The following ADGRL3 variants were observed in gnomAD, a reference collection of about 807,000 sequenced individuals.
ADGRL3 encodes the protein calcium-independent alpha-latrotoxin receptor 3.
Under a neutral mutation model 153.5 loss-of-function variants are expected in ADGRL3, and 62 were observed. The observed-to-expected ratio is 0.40, with a 90% CI of 0.33 to 0.50. ADGRL3 has a LOEUF of 0.50. Among genes scored for constraint, ADGRL3 ranks in the 20% least tolerant of loss-of-function variants. The probability of loss-of-function intolerance (pLI) is 0.47; values close to 1 mark genes in which losing one functional copy is unlikely to be tolerated. For synonymous variants in ADGRL3, 710 were observed against 672.5 expected, an observed-to-expected ratio of 1.06 and a Z score of -0.86; for missense variants, 1,641 against 1,859.4, an observed-to-expected ratio of 0.88 and a Z score of 2.16.
At chr4:62,028,747 G>A (rs970932484) in intron 21 of ADGRL3, 108 bp from the exon 22 acceptor site, 7 of 737,576 alleles carry the variant, frequency 9.5e-6, no homozygotes, top group Non-Finnish European at 1.6e-5. Flanking sequence ...TTTTAGGGAG[G>A]TGGGGGACAG....
At position 62,070,852 on chromosome 4, in the gene ADGRL3, G is replaced by A; in HGVS notation, c.4576G>A (p.Gly1526Arg). 1 of 1,551,618 alleles carries A rather than the reference G, an allele frequency of 6.4e-7. No individual in the cohort carries two copies. Among genetic ancestry groups the A allele is most frequent in the Non-Finnish European group, 8.7e-7 (1 of 1,146,946 alleles). Residue 1526 changes from glycine (G) to arginine (R), a missense_variant, in exon 27 of 27, where the codon GGG becomes AGG. By Grantham distance (125) the Gly-to-Arg change is moderately radical (BLOSUM62 -2). This residue lies in a region of ADGRL3 where 517 missense variants were observed against 555.0 expected (regional missense o/e 0.93). Coordinates refer to ENST00000683033, the MANE Select transcript of ADGRL3 (RefSeq NM_001387552.1). The stretch of plus-strand genomic sequence containing the variant: ...ATTTATAGTTCCTCCAAACAAAGAT[G>A]GGACCCCTCCCGAGGGAAGTTCAAA... Reference protein sequence around the residue: ...DGFIVPPNKDGTPPEGSSKGP... With the variant: ...DGFIVPPNKDRTPPEGSSKGP...
intron 4 of ADGRL3, among the ~76,000 whole-genome samples, chr4:61,525,141 T>C (rs538996948): frequency 1.6e-5 from 1 of 62,622 alleles, no homozygotes; most frequent in African/African-American, 7.7e-5. Context: ...AATGCTGTCA[T>C]ATTTTAAAGA....
chr4:61,497,601 T>C (rs2098334794), intron 3 of ADGRL3, among the ~76,000 whole-genome samples: 1 of 150,672 alleles, frequency 6.6e-6, no homozygotes, highest in Non-Finnish European at 1.5e-5. Flanking sequence ...CTGCAACCTC[T>C]GTCTCCTGGG....
intron 18 of ADGRL3, among the ~76,000 whole-genome samples, chr4:61,980,975 T>G (rs2099066304): frequency 6.6e-6 from 1 of 152,216 alleles, no homozygotes; most frequent in South Asian, 2.1e-4. Flanking sequence ...ACATATGTTT[T>G]TAACTCCTTT....
At chr4:61,606,182 G>A (rs1201470909) in intron 5 of ADGRL3, among the ~76,000 whole-genome samples, 2 of 152,160 alleles carry the variant, frequency 1.3e-5, no homozygotes, top group Non-Finnish European at 2.9e-5. Context: ...GGGCTAAAGG[G>A]GAAGTATGGG....
intron 9 of ADGRL3, among the ~76,000 whole-genome samples, chr4:61,867,591 T>C (rs1352673155): frequency 7.0e-6 from 1 of 143,568 alleles, no homozygotes; most frequent in African/African-American, 2.5e-5. Flanking sequence ...ATGACTGAGA[T>C]CCCTATAACA....
At chr4:61,538,380 G>T (rs2098669993) in intron 4 of ADGRL3, among the ~76,000 whole-genome samples, 1 of 152,134 alleles carries the variant, frequency 6.6e-6, no homozygotes, top group Admixed American at 6.5e-5. Context: ...GTCTTAGGGA[G>T]CTTATCTCAT....
At chr4:61,680,337 C>T (rs924490464) in intron 6 of ADGRL3, among the ~76,000 whole-genome samples, 4 of 150,544 alleles carry the variant, frequency 2.7e-5, no homozygotes, top group African/African-American at 9.8e-5. Flanking sequence ...AATATATGTA[C>T]TATTTATGAA....
chr4:61,582,653 A>C lies in ADGRL3; in HGVS notation c.260-4574A>C, dbSNP rs568110584. On this transcript the variant is annotated intron_variant, in intron 4 of 26. Coordinates refer to ENST00000683033, the MANE Select transcript of ADGRL3 (RefSeq NM_001387552.1). ...GTAGAGCAATGCATGAAAAAAAAAA[A>C]CAGATTTGACTAGGACATTGAAGAC... Among the ~76,000 whole-genome samples, 10 of 151,936 alleles carry C rather than the reference A, an allele frequency of 6.6e-5. No individual in the cohort carries two copies. The South Asian group carries it at 1.2e-3, about 19-fold the overall frequency.
intron 9 of ADGRL3, among the ~76,000 whole-genome samples, chr4:61,887,474 T>G (rs1006860590): frequency 1.3e-5 from 2 of 152,212 alleles, no homozygotes; most frequent in African/African-American, 4.8e-5. Flanking sequence ...TTCTCATTTT[T>G]AAAACTAGGA....
chr4:61,603,242 G>C (rs2099018974), intron 5 of ADGRL3, among the ~76,000 whole-genome samples: 1 of 152,100 alleles, frequency 6.6e-6, no homozygotes, highest in African/African-American at 2.4e-5. Context: ...CAACACTCCA[G>C]CATTTTCCTC....
At chr4:61,590,556 T>G (rs1031206995) in intron 5 of ADGRL3, among the ~76,000 whole-genome samples, 3 of 152,138 alleles carry the variant, frequency 2.0e-5, no homozygotes, top group Non-Finnish European at 4.4e-5. Context: ...ACGTGCAGTT[T>G]ACCATAACAG....
intron 4 of ADGRL3, among the ~76,000 whole-genome samples, chr4:61,578,166 T>C (rs1037717498): frequency 1.3e-5 from 2 of 152,082 alleles, no homozygotes; most frequent in East Asian, 1.9e-4. Flanking sequence ...AGAAGTTCCC[T>C]TTCCTGTTTT....
At position 61,693,636 on chromosome 4, in the gene ADGRL3, G is replaced by C. The variant is rs186351321; in HGVS notation, c.583+16701G>C. Reference sequence around the variant, plus strand: ...CAGTTCTTGTTGCGGATGAGGTATTGATGTTTTGTGATACTTTGGTCAGTC... The same window carrying C: ...CAGTTCTTGTTGCGGATGAGGTATTCATGTTTTGTGATACTTTGGTCAGTC... On this transcript the variant is annotated intron_variant, in intron 6 of 26. Coordinates refer to ENST00000683033, the MANE Select transcript of ADGRL3 (RefSeq NM_001387552.1). 2.5e-3 allele frequency among the ~76,000 whole-genome samples: 378 copies of C among 152,250 alleles called. 1 individual carries two copies. The highest frequency in any genetic ancestry group is 4.1e-3 in the Admixed American group (62 of 15,280).
intron 5 of ADGRL3, among the ~76,000 whole-genome samples, chr4:61,646,200 A>C (rs1410449509): frequency 6.6e-6 from 1 of 151,794 alleles, no homozygotes; most frequent in Non-Finnish European, 1.5e-5. Flanking sequence ...ATTTTTTTCA[A>C]AGTTTTCAAC....
intron 5 of ADGRL3, among the ~76,000 whole-genome samples, chr4:61,659,115 C>T (rs1022556201): frequency 1.3e-5 from 2 of 152,126 alleles, no homozygotes; most frequent in Admixed American, 6.6e-5. Flanking sequence ...GACATTCTCC[C>T]TGTGCGTCTC....
intron 6 of ADGRL3, among the ~76,000 whole-genome samples, chr4:61,691,369 G>A (rs1023158107): frequency 1.3e-5 from 2 of 152,068 alleles, no homozygotes; most frequent in African/African-American, 2.4e-5. Context: ...GACTGATAGG[G>A]ACCAATCTAT....
chr4:62,008,762 T>C (rs1211464102), intron 21 of ADGRL3, among the ~76,000 whole-genome samples: 1 of 151,784 alleles, frequency 6.6e-6, no homozygotes, highest in Non-Finnish European at 1.5e-5. Flanking sequence ...TATACATATA[T>C]ATGCATATAT....
At chr4:61,327,155 C>T (rs1410842619) in intron 1 of ADGRL3, among the ~76,000 whole-genome samples, 2 of 151,874 alleles carry the variant, frequency 1.3e-5, no homozygotes, top group Admixed American at 6.6e-5. Flanking sequence ...TTAAAAGAAG[C>T]CACTAAGGTG....
Sources: allele counts gnomAD v4.1 joint callset (sites outside exome capture counted in the v4.1 genomes callset), GRCh38; gene constraint gnomAD v4.1.1; regional missense constraint gnomAD v4.1.1; transcripts MANE v1.5; gene names NCBI Gene and HGNC (gene_info 2026-07-23, HGNC 2026-07-21).